GALNT7: variants seen among roughly 807,000 people sequenced by gnomAD.
GALNT7 encodes polypeptide N-acetylgalactosaminyltransferase 7, also known as N-acetylgalactosaminyltransferase 7.
In GALNT7, 60 loss-of-function variants were observed where a neutral mutation model predicts 82.1. The ratio of observed to expected loss-of-function variants is 0.73; its 90% CI spans 0.59 to 0.91. GALNT7 has a LOEUF of 0.91. Among genes scored for constraint, GALNT7 ranks in the 40% least tolerant of loss-of-function variants. GALNT7 has a pLI of 0.00. For missense variants in GALNT7, 660 were observed against 804.2 expected, an observed-to-expected ratio of 0.82 and a Z score of 2.17; for synonymous variants, 243 against 275.1, an observed-to-expected ratio of 0.88 and a Z score of 1.15.
rs559934063 is a variant in GALNT7, at chr4:173,304,039, G to A, written c.1310G>A (p.Arg437His). The change falls in exon 8 of 12, where the codon CGT becomes CAT. Residue 437 changes from arginine (R) to histidine (H), a missense_variant. By Grantham distance (29) the Arg-to-His change is conservative. This residue lies in a region of GALNT7 where 527 missense variants were observed against 683.5 expected (regional missense o/e 0.77). Transcript: ENST00000265000. ...AAATTATTATTTGTTCCTTGTTCTC[G>A]TGTTGGACATATCTACCGTCTTGAG... ...GGKLLFVPCS[R>H]VGHIYRLEGW... 3.0e-5 allele frequency: 49 copies of A among 1,611,432 alleles called. No homozygotes were observed. Among genetic ancestry groups the A allele is most frequent in the Admixed American group, 1.0e-4 (6 of 59,924 alleles).
At chr4:173,198,381 T>C (rs1474947047) in intron 1 of GALNT7, among the ~76,000 whole-genome samples, 2 of 152,138 alleles carry the variant, frequency 1.3e-5, no homozygotes, top group Non-Finnish European at 2.9e-5. Flanking sequence ...ATTGTTTCTT[T>C]AGTGAAGAAA....
chr4:173,182,925 T>TACACACACACACACACAC (rs61378172), intron 1 of GALNT7, among the ~76,000 whole-genome samples: 40 of 134,294 alleles, frequency 3.0e-4, no homozygotes, highest in African/African-American at 8.5e-4. Flanking sequence ...TTACTCATAA[T>TACACACACACACACACAC]ACACACACAC....
chr4:173,323,213 A>G lies in GALNT7; in HGVS notation c.*1496A>G, dbSNP rs1319313577. On this transcript the variant is annotated 3_prime_UTR_variant, in exon 12 of 12. Coordinates refer to ENST00000265000, the MANE Select transcript of GALNT7 (RefSeq NM_017423.3). ...ATCCTGTAATCATGGTATCATTACA[A>G]TGAAAGGAATTCACAAACTACTGCC... 2 of 152,492 alleles carry G rather than the reference A, an allele frequency of 1.3e-5. No homozygotes were observed. Among genetic ancestry groups the G allele is most frequent in the Non-Finnish European group, 2.9e-5 (2 of 67,954 alleles). The allele number at this position is 152,492 out of a possible 1,614,324, so 9.4% of individuals were successfully genotyped here.
chr4:173,259,027 C>G (rs1201023145), intron 2 of GALNT7, among the ~76,000 whole-genome samples: 3 of 152,154 alleles, frequency 2.0e-5, no homozygotes, highest in Admixed American at 2.0e-4. Context: ...GGCATCTACC[C>G]ACTAGATGTC....
chr4:173,316,358 G>A (rs1737601339), intron 9 of GALNT7: 1 of 152,374 alleles, frequency 6.6e-6, no homozygotes, highest in Admixed American at 6.5e-5. Context: ...TCTCAGTGAG[G>A]TCCACCTTGT....
chr4:173,250,449 A>C (rs1454311134), intron 2 of GALNT7, among the ~76,000 whole-genome samples: 2 of 151,870 alleles, frequency 1.3e-5, no homozygotes, highest in African/African-American at 2.4e-5. Context: ...CCTCCCCTTC[A>C]CCCCTCACAT....
At chr4:173,233,629 A>G (rs1046527146) in intron 1 of GALNT7, among the ~76,000 whole-genome samples, 2 of 152,226 alleles carry the variant, frequency 1.3e-5, no homozygotes, top group African/African-American at 2.4e-5. Context: ...GAAGAGAACA[A>G]TGCCAGTATC....
chr4:173,178,052 T>TGTGTGTGTGCGCGC (rs563102408), intron 1 of GALNT7, among the ~76,000 whole-genome samples: 3 of 129,508 alleles, frequency 2.3e-5, no homozygotes, highest in East Asian at 2.3e-4. Context: ...TGTGTGTGTG[T>TGTGTGTGTGCGCGC]GCGCGCACGC....
chr4:173,228,648 T>G (rs1015852842), intron 1 of GALNT7, among the ~76,000 whole-genome samples: 1 of 152,154 alleles, frequency 6.6e-6, no homozygotes, highest in African/African-American at 2.4e-5. Flanking sequence ...ATGAATGCTT[T>G]TAAAGATTTT....
intron 1 of GALNT7, among the ~76,000 whole-genome samples, chr4:173,177,226 G>A (rs757762950): frequency 2.0e-5 from 3 of 152,134 alleles, no homozygotes; most frequent in African/African-American, 4.8e-5. Context: ...TAGTTCCCCG[G>A]GGATGCTGAT....
intron 1 of GALNT7, among the ~76,000 whole-genome samples, chr4:173,203,239 G>T (rs531259313): frequency 6.6e-6 from 1 of 152,124 alleles, no homozygotes; most frequent in South Asian, 2.1e-4. Context: ...GACTACAGGC[G>T]CCCGCCACCA....
At chr4:173,289,021 G>C (rs1736440048) in intron 2 of GALNT7, among the ~76,000 whole-genome samples, 1 of 152,066 alleles carries the variant, frequency 6.6e-6, no homozygotes, top group Non-Finnish European at 1.5e-5. Context: ...TGAAAAGAAA[G>C]AAGGAAAATG....
At chr4:173,291,432 G>A (rs954333046) in intron 2 of GALNT7, among the ~76,000 whole-genome samples, 3 of 152,190 alleles carry the variant, frequency 2.0e-5, no homozygotes, top group African/African-American at 4.8e-5. Flanking sequence ...TACTCTTTCA[G>A]AATCAAAATG....
At position 173,321,749 on chromosome 4, in the gene GALNT7, T is replaced by A. The variant is rs371601909; in HGVS notation, c.*32T>A. ...AAAAATAAACCAATAACCTACCTAC[T>A]GACAAGTAAATTTATACAGGACTGA... is the stretch of plus-strand genomic sequence containing the variant. On this transcript the variant is annotated 3_prime_UTR_variant, in exon 12 of 12. Coordinates refer to ENST00000265000, the MANE Select transcript of GALNT7 (RefSeq NM_017423.3). The A allele has an allele frequency of 6.5e-4, 975 of 1,510,266 alleles. 1 individual carries two copies. Among genetic ancestry groups the A allele is most frequent in the Non-Finnish European group, 8.5e-4 (921 of 1,088,998 alleles). 93.6% of individuals were successfully genotyped at this position (1,510,266 alleles called of 1,614,324 possible). A position where few individuals can be genotyped will look rare whatever the true frequency, so the allele number is the denominator to read the frequency against.
chr4:173,256,145 A>ATTTAGTGAAAGAAATGGGGAG (rs1735028183), intron 2 of GALNT7, among the ~76,000 whole-genome samples: 1 of 152,194 alleles, frequency 6.6e-6, no homozygotes, highest in Admixed American at 6.5e-5. Flanking sequence ...AAGTGTTTTT[A>ATTTAGTGAAAGAAATGGGGAG]TTTAGTGAAA....
At chr4:173,244,998 T>C (rs1053796565) in intron 1 of GALNT7, among the ~76,000 whole-genome samples, 2 of 151,984 alleles carry the variant, frequency 1.3e-5, no homozygotes, top group African/African-American at 4.8e-5. Context: ...TAGAGAGATA[T>C]GAATAGAAAT....
intron 1 of GALNT7, among the ~76,000 whole-genome samples, chr4:173,200,257 A>T (rs760696671): frequency 9.9e-5 from 15 of 152,210 alleles, no homozygotes; most frequent in Non-Finnish European, 2.1e-4. Flanking sequence ...TTATGCCAAG[A>T]GAATGAAAAT....
chr4:173,205,610 G>A (rs997234153), intron 1 of GALNT7, among the ~76,000 whole-genome samples: 1 of 152,156 alleles, frequency 6.6e-6, no homozygotes, highest in African/African-American at 2.4e-5. Flanking sequence ...CCAGCCTGGT[G>A]CCTCAGACCC....
intron 8 of GALNT7, among the ~76,000 whole-genome samples, chr4:173,308,540 G>A (rs1287920550): frequency 6.6e-6 from 1 of 152,008 alleles, no homozygotes; most frequent in Non-Finnish European, 1.5e-5. Flanking sequence ...CTCAAAGATT[G>A]AAAAGTTAAT....
Sources: allele counts gnomAD v4.1 joint callset (sites outside exome capture counted in the v4.1 genomes callset), GRCh38; gene constraint gnomAD v4.1.1; regional missense constraint gnomAD v4.1.1; transcripts MANE v1.5; gene names NCBI Gene and HGNC (gene_info 2026-07-23, HGNC 2026-07-21).